Variants in SAMD5 observed in about 807,000 individuals in gnomAD.
The protein encoded by SAMD5 is sterile alpha motif domain-containing protein 5.
A neutral mutation model predicts 11.3 loss-of-function variants in SAMD5; 13 were observed. The ratio of observed to expected loss-of-function variants is 1.15; its 90% CI spans 0.75 to 1.83. SAMD5 has a LOEUF of 1.83. SAMD5 is among the 40% of genes most tolerant of loss of function. The pLI is 0.00. For synonymous variants in SAMD5, 129 were observed against 111.3 expected (o/e 1.16, Z -1.00); for missense variants, 255 against 239.1 (o/e 1.07, Z -0.44).
At chr6:147,673,222 T>C (rs1790817893) in intron 1 of SAMD5, among the ~76,000 whole-genome samples, 1 of 152,152 alleles carries the variant, frequency 6.6e-6, no homozygotes, top group African/African-American at 2.4e-5. Flanking sequence ...AAACCATTTT[T>C]TTTTTTTTTG....
chr6:147,709,108 A>C (rs749241718), intron 1 of SAMD5, among the ~76,000 whole-genome samples: 1 of 152,228 alleles, frequency 6.6e-6, no homozygotes, highest in Non-Finnish European at 1.5e-5. Flanking sequence ...TTTTAACTTA[A>C]AGAAAGTTCT....
intron 1 of SAMD5, among the ~76,000 whole-genome samples, chr6:147,563,837 G>A (rs1788993045): frequency 6.6e-6 from 1 of 152,212 alleles, no homozygotes; most frequent in African/African-American, 2.4e-5. Context: ...GTTTTTACAT[G>A]CCTATGTGAA....
At chr6:147,535,879 A>G (rs375425512) in intron 1 of SAMD5, among the ~76,000 whole-genome samples, 2 of 152,188 alleles carry the variant, frequency 1.3e-5, no homozygotes, top group African/African-American at 4.8e-5. Flanking sequence ...CTGTGTGGAC[A>G]AGGTATGAGG....
chr6:147,942,420 A>G, the SAMD5 span, among the ~76,000 whole-genome samples: 1 of 152,214 alleles, frequency 6.6e-6, no homozygotes, highest in Non-Finnish European at 1.5e-5. Context: ...CAAATGTCCT[A>G]TTCGACTTGA....
chr6:147,620,175 C>T (rs1261951319), intron 1 of SAMD5, among the ~76,000 whole-genome samples: 1 of 152,178 alleles, frequency 6.6e-6, no homozygotes, highest in Non-Finnish European at 1.5e-5. Flanking sequence ...TTTCCTCGAG[C>T]TTCTCTTCCT....
At chr6:147,682,422 C>T (rs1311875542) in intron 1 of SAMD5, among the ~76,000 whole-genome samples, 1 of 152,070 alleles carries the variant, frequency 6.6e-6, no homozygotes, top group East Asian at 1.9e-4. Flanking sequence ...TTTGATTGGT[C>T]CACAGTTGGT....
At chr6:147,755,716 T>C in the SAMD5 span, among the ~76,000 whole-genome samples, 1 of 152,126 alleles carries the variant, frequency 6.6e-6, no homozygotes, top group South Asian at 2.1e-4. Context: ...TTGAAGATCA[T>C]TGTAGCAACT....
chr6:147,803,906 A>C, the SAMD5 span, among the ~76,000 whole-genome samples: 1 of 152,020 alleles, frequency 6.6e-6, no homozygotes, highest in African/African-American at 2.4e-5. Flanking sequence ...TGACACCTCC[A>C]TCCTTTGGTT....
chr6:147,601,095 A>T (rs995646438), intron 1 of SAMD5, among the ~76,000 whole-genome samples: 1 of 152,220 alleles, frequency 6.6e-6, no homozygotes, highest in Non-Finnish European at 1.5e-5. Flanking sequence ...TATTGGTTTC[A>T]TTTAGAATAC....
chr6:147,689,670 G>T (rs1791071695), intron 1 of SAMD5, among the ~76,000 whole-genome samples: 1 of 152,216 alleles, frequency 6.6e-6, no homozygotes, highest in Non-Finnish European at 1.5e-5. Flanking sequence ...TTTGGAAAGA[G>T]AGAAGCTATG....
At chr6:147,510,725 C>T (rs1788075786) in intron 1 of SAMD5, among the ~76,000 whole-genome samples, 1 of 152,192 alleles carries the variant, frequency 6.6e-6, no homozygotes, top group Non-Finnish European at 1.5e-5. Context: ...ATAGGCAATT[C>T]AGATCACCTG....
At chr6:147,761,383 C>T in the SAMD5 span, among the ~76,000 whole-genome samples, 10 of 151,938 alleles carry the variant, frequency 6.6e-5, no homozygotes, top group South Asian at 1.9e-3. Context: ...TTTTATGGCC[C>T]AAATATGGCA....
At chr6:147,602,598 G>A (rs1433404795) in intron 1 of SAMD5, among the ~76,000 whole-genome samples, 1 of 152,228 alleles carries the variant, frequency 6.6e-6, no homozygotes, top group African/African-American at 2.4e-5. Flanking sequence ...ACAAAAATTA[G>A]CCAGACATGG....
At chr6:147,545,885 A>C (rs1015954221) in intron 1 of SAMD5, among the ~76,000 whole-genome samples, 3 of 152,200 alleles carry the variant, frequency 2.0e-5, no homozygotes, top group African/African-American at 7.2e-5. Context: ...ATTAAATTTG[A>C]TATTCAAATT....
the SAMD5 span, among the ~76,000 whole-genome samples, chr6:147,807,078 TG>T: frequency 8.6e-5 from 13 of 152,006 alleles, no homozygotes; most frequent in African/African-American, 2.7e-4. Flanking sequence ...AAATTTCTGT[TG>T]TTTTTTTTTG....
rs140162663 is a variant in SAMD5, at chr6:147,674,951, A to C, written c.163-62366A>C. ...TGAAGCCAAGAACAGCATATGAGAAAACACTAACCCTTGCCCATGGCAGAC... is the reference window on the plus strand; with the variant it reads ...TGAAGCCAAGAACAGCATATGAGAACACACTAACCCTTGCCCATGGCAGAC... On this transcript the variant is annotated intron_variant, in intron 1 of 1. Transcript: ENST00000566741. 5.8e-3 allele frequency among the ~76,000 whole-genome samples: 881 copies of C among 152,302 alleles called. 10 individuals are homozygous for C. Among genetic ancestry groups the C allele is most frequent in the African/African-American group, 0.02 (824 of 41,566 alleles).
chr6:147,775,542 A>C, the SAMD5 span, among the ~76,000 whole-genome samples: 1 of 152,170 alleles, frequency 6.6e-6, no homozygotes. Flanking sequence ...ATATCAAATA[A>C]ATGTATATTA....
At chr6:147,577,400 T>G (rs543273026) in intron 1 of SAMD5, among the ~76,000 whole-genome samples, 2 of 152,300 alleles carry the variant, frequency 1.3e-5, no homozygotes, top group South Asian at 4.1e-4. Context: ...TGTAATTAAT[T>G]AAGGCATAGT....
At chr6:147,835,317 G>C in the SAMD5 span, among the ~76,000 whole-genome samples, 28 of 150,258 alleles carry the variant, frequency 1.9e-4, no homozygotes, top group Admixed American at 1.3e-4. Context: ...TGGTTTCTTT[G>C]AGAAGCTGTG....
Sources: allele counts gnomAD v4.1 joint callset (sites outside exome capture counted in the v4.1 genomes callset), GRCh38; gene constraint gnomAD v4.1.1; transcripts MANE v1.5; gene names NCBI Gene and HGNC (gene_info 2026-07-23, HGNC 2026-07-21).